Variants in CELF4 observed in about 807,000 individuals in gnomAD.
CELF4 encodes CUG-BP- and ETR-3-like factor 4.
A neutral mutation model predicts 59.9 loss-of-function variants in CELF4; 18 were observed. The ratio of observed to expected loss-of-function variants is 0.30; its 90% CI spans 0.21 to 0.45. CELF4 has a LOEUF of 0.45. Ranked by LOEUF, CELF4 falls within the 20% of genes least tolerant of loss-of-function variation. The pLI is 1.00. For synonymous variants in CELF4, 261 were observed against 267.1 expected (o/e 0.98, Z 0.22); for missense variants, 456 against 689.0 (o/e 0.66, Z 3.79).
At position 37,485,381 on chromosome 18, in the gene CELF4, T is replaced by TG. The variant is rs888899400; in HGVS notation, c.369+143dup. 6.2e-5 allele frequency: 13 copies of TG among 210,694 alleles called. No homozygotes were observed. In the South Asian group the frequency reaches 8.6e-4, roughly 14 times the overall value. The allele number at this position is 210,694 out of a possible 1,614,324, so 13.1% of individuals were successfully genotyped here. ...CCGGACGGCCGAGAGCCCAGGGATTTGGGGGGGCGCGCGGGCTCCCGAGCT... is the reference window on the plus strand; with the variant it reads ...CCGGACGGCCGAGAGCCCAGGGATTTGGGGGGGGCGCGCGGGCTCCCGAGCT... On this transcript the variant is annotated intron_variant, in intron 2 of 12. Coordinates refer to ENST00000420428, the MANE Select transcript of CELF4 (RefSeq NM_020180.4).
chr18:37,506,976 T>G (rs1041885107), intron 1 of CELF4, among the ~76,000 whole-genome samples: 2 of 152,174 alleles, frequency 1.3e-5, no homozygotes, highest in African/African-American at 4.8e-5. Context: ...CTGTACATTC[T>G]TGAATGGATG....
chr18:37,330,190 C>T (rs780273187), intron 2 of CELF4, among the ~76,000 whole-genome samples: 1 of 152,114 alleles, frequency 6.6e-6, no homozygotes, highest in East Asian at 1.9e-4. Flanking sequence ...TTTGTCTTCC[C>T]GGCGCTTAGC....
chr18:37,485,702 C>T, intron 1 of CELF4, 95 bp from the exon 2 acceptor site: 1 of 696,250 alleles, frequency 1.4e-6, no homozygotes, highest in Non-Finnish European at 2.1e-6. Flanking sequence ...CCGCCCCTCC[C>T]TGCCGCTCGG....
chr18:37,344,802 T>C (rs2098190532), intron 2 of CELF4, among the ~76,000 whole-genome samples: 1 of 152,220 alleles, frequency 6.6e-6, no homozygotes, highest in African/African-American at 2.4e-5. Context: ...CGGGAACGGC[T>C]GCAAGGGGAG....
chr18:37,401,267 T>C (rs886561980), intron 2 of CELF4, among the ~76,000 whole-genome samples: 3 of 152,200 alleles, frequency 2.0e-5, no homozygotes, highest in African/African-American at 7.2e-5. Flanking sequence ...GGTCATCCTC[T>C]CCTTTAAAAT....
chr18:37,390,623 A>G (rs1390653586), intron 2 of CELF4, among the ~76,000 whole-genome samples: 5 of 151,916 alleles, frequency 3.3e-5, no homozygotes, highest in Admixed American at 6.5e-5. Flanking sequence ...AGCTGGGGGC[A>G]GGGGGCTGGG....
chr18:37,498,248 A>G (rs1040975405), intron 1 of CELF4, among the ~76,000 whole-genome samples: 1 of 152,006 alleles, frequency 6.6e-6, no homozygotes, highest in Non-Finnish European at 1.5e-5. Context: ...CTTCCTAAAC[A>G]TCTTTCTTTG....
At chr18:37,439,362 G>A (rs1232511583) in intron 2 of CELF4, among the ~76,000 whole-genome samples, 8 of 152,096 alleles carry the variant, frequency 5.3e-5, no homozygotes, top group Admixed American at 5.2e-4. Flanking sequence ...ACCAAATTAG[G>A]TCAATTTCTG....
chr18:37,391,311 C>T (rs892887673), intron 2 of CELF4, among the ~76,000 whole-genome samples: 4 of 152,208 alleles, frequency 2.6e-5, no homozygotes, highest in Admixed American at 6.5e-5. Context: ...GCAAAGCTGC[C>T]CCTCTCTAAG....
chr18:37,432,267 G>A (rs2099671571), intron 2 of CELF4, among the ~76,000 whole-genome samples: 1 of 152,262 alleles, frequency 6.6e-6, no homozygotes, highest in Admixed American at 6.5e-5. Flanking sequence ...ACCCGCCAAT[G>A]TGGGGGCACA....
intron 2 of CELF4, among the ~76,000 whole-genome samples, chr18:37,367,538 G>A (rs776955587): frequency 6.6e-6 from 1 of 152,100 alleles, no homozygotes. Context: ...AAAAGGACAG[G>A]AAGGCCACGG....
At chr18:37,462,795 T>G (rs200390307) in intron 2 of CELF4, among the ~76,000 whole-genome samples, 12,017 of 150,796 alleles carry the variant, frequency 0.08, 520 homozygotes, top group East Asian at 0.14. Context: ...ATTATGAGGT[T>G]TTTTTTTTTT....
intron 1 of CELF4, among the ~76,000 whole-genome samples, chr18:37,509,170 C>T (rs1395645142): frequency 2.0e-5 from 3 of 152,128 alleles, no homozygotes; most frequent in Non-Finnish European, 4.4e-5. Flanking sequence ...ACTTTATATC[C>T]CCCCCTCCTC....
At chr18:37,281,115 T>C (rs946688853) in intron 3 of CELF4, among the ~76,000 whole-genome samples, 1 of 152,220 alleles carries the variant, frequency 6.6e-6, no homozygotes, top group African/African-American at 2.4e-5. Context: ...CAGGGCACCC[T>C]CAGTGGAACC....
At chr18:37,387,519 C>A (rs1397549777) in intron 2 of CELF4, among the ~76,000 whole-genome samples, 1 of 152,190 alleles carries the variant, frequency 6.6e-6, no homozygotes, top group Non-Finnish European at 1.5e-5. Context: ...CAGCTGAGTC[C>A]GGCTTGCCAG....
chr18:37,308,326 C>T (rs190552020), intron 3 of CELF4, among the ~76,000 whole-genome samples: 32 of 152,278 alleles, frequency 2.1e-4, no homozygotes, highest in Middle Eastern at 3.4e-3. Flanking sequence ...AACTGGTTTC[C>T]TCCTTTTGCC....
intron 2 of CELF4, among the ~76,000 whole-genome samples, chr18:37,373,490 G>A (rs919655565): frequency 6.6e-6 from 1 of 152,254 alleles, no homozygotes; most frequent in African/African-American, 2.4e-5. Flanking sequence ...TTGGAACAAA[G>A]AACATGCTAA....
At position 37,285,253 on chromosome 18, in the gene CELF4, G is replaced by A. The variant is rs76475302; in HGVS notation, c.449-10010C>T. Among the ~76,000 whole-genome samples the A allele has an allele frequency of 7.6e-3, 1,164 of 152,304 alleles. 14 individuals carry two copies. Among genetic ancestry groups the A allele is most frequent in the African/African-American group, 0.027 (1,115 of 41,568 alleles). On this transcript the variant is annotated intron_variant, in intron 3 of 12. Coordinates refer to ENST00000420428, the MANE Select transcript of CELF4 (RefSeq NM_020180.4). ...CTGTCTTGAAGTCTCCTAGGTGCTC[G>A]AGGAGGTAAAGTTTTTCCTTTTGAG...
chr18:37,533,351 G>A (rs1455921722), intron 1 of CELF4, among the ~76,000 whole-genome samples: 2 of 152,194 alleles, frequency 1.3e-5, no homozygotes, highest in African/African-American at 4.8e-5. Context: ...CGGCAGGTGA[G>A]AAATTTGGGA....
Sources: allele counts gnomAD v4.1 joint callset (sites outside exome capture counted in the v4.1 genomes callset), GRCh38; gene constraint gnomAD v4.1.1; transcripts MANE v1.5; gene names NCBI Gene and HGNC (gene_info 2026-07-23, HGNC 2026-07-21).